The following GHR variants were observed in gnomAD, a reference collection of about 807,000 sequenced individuals.
The protein encoded by GHR is GH receptor.
Under a neutral mutation model 67.1 loss-of-function variants are expected in GHR, and 35 were observed. The observed-to-expected ratio is 0.52, with a 90% CI of 0.40 to 0.69. The LOEUF (loss-of-function observed/expected upper bound fraction) is 0.69. Ranked by LOEUF, GHR falls within the 30% of genes least tolerant of loss-of-function variation. GHR has a pLI of 0.00. For synonymous variants in GHR, 272 were observed against 269.1 expected (o/e 1.01, Z -0.10); for missense variants, 792 against 764.6 (o/e 1.04, Z -0.42).
chr5:42,561,258 A>C (rs1333933389), intron 1 of GHR, among the ~76,000 whole-genome samples: 1 of 151,930 alleles, frequency 6.6e-6, no homozygotes. Flanking sequence ...CTGACCTTCT[A>C]TTTTCGGGTA....
chr5:42,630,483 A>T (rs1199280595), intron 3 of GHR, among the ~76,000 whole-genome samples: 2 of 132,010 alleles, frequency 1.5e-5, no homozygotes, highest in Non-Finnish European at 3.2e-5. Flanking sequence ...CCAATGTGAG[A>T]TTTTAACATT....
intron 2 of GHR, among the ~76,000 whole-genome samples, chr5:42,577,255 TA>T (rs928310286): frequency 1.3e-5 from 2 of 152,166 alleles, no homozygotes; most frequent in African/African-American, 4.8e-5. Context: ...TCAGCAAATA[TA>T]AAAAAGGAGA....
chr5:42,452,791 C>G (rs562661022), intron 1 of GHR, among the ~76,000 whole-genome samples: 1 of 151,974 alleles, frequency 6.6e-6, no homozygotes. Context: ...AAATTTCGTT[C>G]ATATTTTGTA....
intron 1 of GHR, among the ~76,000 whole-genome samples, chr5:42,528,623 G>A (rs1315211828): frequency 6.6e-6 from 1 of 152,194 alleles, no homozygotes; most frequent in Non-Finnish European, 1.5e-5. Flanking sequence ...CATAAACTTA[G>A]TTGATAAAGC....
intron 2 of GHR, among the ~76,000 whole-genome samples, chr5:42,627,629 T>C (rs1370725321): frequency 6.6e-6 from 1 of 152,238 alleles, no homozygotes; most frequent in African/African-American, 2.4e-5. Flanking sequence ...ACCTGTTCAG[T>C]TGCCCCACTG....
At chr5:42,432,729 A>C (rs1008956330) in intron 1 of GHR, among the ~76,000 whole-genome samples, 4 of 152,214 alleles carry the variant, frequency 2.6e-5, no homozygotes, top group Non-Finnish European at 5.9e-5. Context: ...GAAAGGCATC[A>C]TTTTTATACC....
In GHR at chr5:42,469,635, T is replaced by C. The variant is rs939068711; in HGVS notation, c.-12+45680T>C. On this transcript the variant is annotated intron_variant, in intron 1 of 9. Transcript: ENST00000230882. The stretch of plus-strand genomic sequence containing the variant: ...TTCCCCTGACAGCAGGACCAGCCAG[T>C]CTCCCAGACCCGGGGTAGTGCGAAG... 2.6e-5 allele frequency among the ~76,000 whole-genome samples: 4 copies of C among 152,100 alleles called. No homozygotes were observed. The East Asian group carries it at 7.7e-4, about 29-fold the overall frequency.
chr5:42,703,773 T>G (rs1038917030), intron 6 of GHR, among the ~76,000 whole-genome samples: 4 of 152,092 alleles, frequency 2.6e-5, no homozygotes, highest in Admixed American at 6.5e-5. Context: ...AATTTATTTC[T>G]AGGTCTTTTA....
At chr5:42,434,465 A>G (rs1743234122) in intron 1 of GHR, among the ~76,000 whole-genome samples, 1 of 151,968 alleles carries the variant, frequency 6.6e-6, no homozygotes, top group South Asian at 2.1e-4. Flanking sequence ...CTATTGAAAT[A>G]CTTGAGTCTC....
chr5:42,704,834 T>C (rs1758098293), intron 6 of GHR, among the ~76,000 whole-genome samples: 1 of 152,050 alleles, frequency 6.6e-6, no homozygotes, highest in Non-Finnish European at 1.5e-5. Context: ...TGAACATTTG[T>C]ATTTCTATGG....
intron 2 of GHR, among the ~76,000 whole-genome samples, chr5:42,613,855 G>A (rs114959498): frequency 5.2e-4 from 79 of 152,200 alleles, no homozygotes; most frequent in African/African-American, 1.9e-3. Context: ...TAGGAGAAAG[G>A]ATCATCTACT....
At chr5:42,590,586 C>A (rs1393618396) in intron 2 of GHR, among the ~76,000 whole-genome samples, 1 of 152,206 alleles carries the variant, frequency 6.6e-6, no homozygotes, top group African/African-American at 2.4e-5. Flanking sequence ...TTGCCACATA[C>A]TCAGATTGCA....
chr5:42,476,780 T>C (rs983989279), intron 1 of GHR, among the ~76,000 whole-genome samples: 1 of 152,236 alleles, frequency 6.6e-6, no homozygotes, highest in Non-Finnish European at 1.5e-5. Context: ...TTACTACCTC[T>C]AATAGTCTAT....
chr5:42,542,540 T>A (rs1561108934), intron 1 of GHR, among the ~76,000 whole-genome samples: 1 of 152,176 alleles, frequency 6.6e-6, no homozygotes, highest in African/African-American at 2.4e-5. Flanking sequence ...ATTATCCTTT[T>A]TCTAAAAGGA....
chr5:42,489,314 A>T (rs1746014455), intron 1 of GHR, among the ~76,000 whole-genome samples: 1 of 152,118 alleles, frequency 6.6e-6, no homozygotes, highest in African/African-American at 2.4e-5. Flanking sequence ...CAACGCTCTT[A>T]GCAATATCGT....
chr5:42,536,962 G>T (rs1179922010), intron 1 of GHR, among the ~76,000 whole-genome samples: 2 of 152,174 alleles, frequency 1.3e-5, no homozygotes, highest in Non-Finnish European at 1.5e-5. Flanking sequence ...GGTGTTCATA[G>T]TACTCTTGAA....
In GHR at chr5:42,592,247, T is replaced by C. The variant is rs141104785; in HGVS notation, c.70+26303T>C. Among the ~76,000 whole-genome samples the C allele has an allele frequency of 4.3e-3, 649 of 152,230 alleles. 4 individuals carry two copies. The highest frequency in any genetic ancestry group is 0.015 in the African/African-American group (627 of 41,540). On this transcript the variant is annotated intron_variant, in intron 2 of 9. Coordinates refer to ENST00000230882, the MANE Select transcript of GHR (RefSeq NM_000163.5). ...CCTATCTGCCATCTTAATCCTAACA[T>C]CTCCCATGTTTTTTTAATTTAACTT...
intron 3 of GHR, among the ~76,000 whole-genome samples, chr5:42,677,141 G>C (rs1394974058): frequency 1.3e-5 from 2 of 152,082 alleles, no homozygotes; most frequent in Non-Finnish European, 2.9e-5. Context: ...GGCTCAGAAT[G>C]CTGGAAGAGT....
intron 2 of GHR, among the ~76,000 whole-genome samples, chr5:42,625,143 G>A (rs2112728090): frequency 6.6e-6 from 1 of 152,162 alleles, no homozygotes; most frequent in East Asian, 1.9e-4. Flanking sequence ...AAAGTACATT[G>A]AAAAGCGGCT....
Sources: allele counts gnomAD v4.1 joint callset (sites outside exome capture counted in the v4.1 genomes callset), GRCh38; gene constraint gnomAD v4.1.1; transcripts MANE v1.5; gene names NCBI Gene and HGNC (gene_info 2026-07-23, HGNC 2026-07-21).